CREM: variants seen among roughly 807,000 people sequenced by gnomAD.
The protein encoded by CREM is cAMP responsive element modulator.
Under a neutral mutation model 37.3 loss-of-function variants are expected in CREM, and 13 were observed. That is an observed-to-expected ratio of 0.35 (90% CI 0.23 to 0.55). The LOEUF (loss-of-function observed/expected upper bound fraction) is 0.55. Among genes scored for constraint, CREM ranks in the 20% least tolerant of loss-of-function variants. CREM has a pLI of 0.88. For synonymous variants in CREM, 124 were observed against 120.2 expected (o/e 1.03, Z -0.21); for missense variants, 296 against 362.3 (o/e 0.82, Z 1.49).
At chr10:35,137,237 T>C in intron 1 of CREM, among the ~76,000 whole-genome samples, 1 of 152,228 alleles carries the variant, frequency 6.6e-6, no homozygotes, top group East Asian at 1.9e-4. Context: ...ACTAGGTTTT[T>C]TAATGGATTG....
intron 5 of CREM, among the ~76,000 whole-genome samples, chr10:35,184,010 G>A (rs1021590311): frequency 3.3e-5 from 5 of 152,242 alleles, no homozygotes; most frequent in Non-Finnish European, 5.9e-5. Context: ...GCAGGTGGAG[G>A]TTGCAGTGAG....
At chr10:35,164,322 G>A (rs1024903772) in intron 3 of CREM, among the ~76,000 whole-genome samples, 4 of 152,340 alleles carry the variant, frequency 2.6e-5, no homozygotes, top group African/African-American at 9.6e-5. Flanking sequence ...TAGGCTTTAA[G>A]ATGAAATGGC....
Position 35,162,093 on chromosome 10 carries a change from A to T in CREM, c.168+13602A>T, listed in dbSNP as rs1272123737. 2.0e-5 allele frequency among the ~76,000 whole-genome samples: 3 copies of T among 152,376 alleles called. No homozygotes were observed. The South Asian group carries it at 6.2e-4, about 32-fold the overall frequency. ...ATACACAATGGAATACTATTCAACC[A>T]TAAAAAAGAATGAAGTGTCATTTGC... On this transcript the variant is annotated intron_variant, in intron 3 of 7. Transcript: ENST00000685392.
At chr10:35,164,383 A>G (rs2093437216) in intron 3 of CREM, among the ~76,000 whole-genome samples, 1 of 152,262 alleles carries the variant, frequency 6.6e-6, no homozygotes, top group African/African-American at 2.4e-5. Context: ...TAAAGTAACA[A>G]AAATCTACAA....
At chr10:35,146,336 T>C (rs1314376782) in intron 2 of CREM, among the ~76,000 whole-genome samples, 1 of 152,228 alleles carries the variant, frequency 6.6e-6, no homozygotes, top group Non-Finnish European at 1.5e-5. Flanking sequence ...TTTTAGAAAA[T>C]GCTGTCTGTT....
Position 35,188,204 on chromosome 10 carries a change from T to A in CREM, c.414T>A (p.Ala138=). Residue 138 remains alanine, a synonymous_variant, in exon 6 of 8, where the codon GCT becomes GCA. Transcript: ENST00000685392. ...IYQTSTGQYI[A]IAQGGTIQIS... is the part of the protein sequence containing the mutation. ...TTCTTTTCTTTTTCTGTTAAGTTGCTATAGCCCAAGGTGGAACAATCCAGA... is the reference window on the plus strand; with the variant it reads ...TTCTTTTCTTTTTCTGTTAAGTTGCAATAGCCCAAGGTGGAACAATCCAGA... 1.2e-6 allele frequency: 2 copies of A among 1,602,404 alleles called. No individual in the cohort carries two copies. The highest frequency in any genetic ancestry group is 1.7e-6 in the Non-Finnish European group (2 of 1,177,268).
chr10:35,147,871 A>T (rs1469394349), intron 2 of CREM, among the ~76,000 whole-genome samples: 1 of 152,216 alleles, frequency 6.6e-6, no homozygotes, highest in East Asian at 1.9e-4. Context: ...AAGATGAGAG[A>T]GTTAGGACTC....
chr10:35,181,037 C>G (rs1440768362), intron 5 of CREM, among the ~76,000 whole-genome samples: 1 of 152,224 alleles, frequency 6.6e-6, no homozygotes. Flanking sequence ...CTGGCATATG[C>G]TAATGCTACT....
intron 3 of CREM, chr10:35,175,781 AT>A: frequency 6.2e-7 from 1 of 1,613,836 alleles, no homozygotes; most frequent in Non-Finnish European, 8.5e-7. Flanking sequence ...AGTGAGTGGT[AT>A]TACTTAAAAA....
At chr10:35,154,917 A>G (rs2092805627) in intron 3 of CREM, among the ~76,000 whole-genome samples, 1 of 152,168 alleles carries the variant, frequency 6.6e-6, no homozygotes, top group Admixed American at 6.5e-5. Flanking sequence ...ATCTGTACTC[A>G]TATTTTGATA....
intron 2 of CREM, among the ~76,000 whole-genome samples, chr10:35,141,783 C>T (rs563313114): frequency 3.3e-5 from 5 of 152,186 alleles, no homozygotes; most frequent in African/African-American, 1.2e-4. Context: ...GGCAAGAAAG[C>T]TAAGCAGAGT....
chr10:35,134,196 A>C (rs954617284), intron 1 of CREM, among the ~76,000 whole-genome samples: 2 of 151,698 alleles, frequency 1.3e-5, no homozygotes, highest in African/African-American at 4.8e-5. Flanking sequence ...ATAGGTGCAC[A>C]TCACCATGCT....
chr10:35,195,092 A>G (rs2095094143), intron 6 of CREM: 4 of 1,266,384 alleles, frequency 3.2e-6, no homozygotes, highest in African/African-American at 3.0e-5. Context: ...TTGTGATGTC[A>G]GTCCTCCTGC....
At chr10:35,172,809 G>A (rs931253694) in intron 3 of CREM, among the ~76,000 whole-genome samples, 3 of 152,142 alleles carry the variant, frequency 2.0e-5, no homozygotes, top group East Asian at 1.9e-4. Context: ...TCCACAGAAC[G>A]TCATTTTCTT....
intron 6 of CREM, among the ~76,000 whole-genome samples, chr10:35,204,492 C>T (rs573671318): frequency 6.6e-6 from 1 of 151,114 alleles, no homozygotes; most frequent in South Asian, 2.1e-4. Flanking sequence ...CCCAGCTACT[C>T]GGGAGGCTGA....
chr10:35,176,083 T>A, intron 3 of CREM: 1 of 1,477,392 alleles, frequency 6.8e-7, no homozygotes, highest in Non-Finnish European at 9.0e-7. Flanking sequence ...ATCATTTTTC[T>A]TTATGAAGTG....
At chr10:35,167,679 C>T (rs910112365) in intron 3 of CREM, 7 of 1,583,954 alleles carry the variant, frequency 4.4e-6, no homozygotes, top group African/African-American at 1.3e-5. Context: ...CATCATCTTA[C>T]CTTATTTCTT....
At chr10:35,145,856 C>CT (rs2092048160) in intron 2 of CREM, among the ~76,000 whole-genome samples, 1 of 148,288 alleles carries the variant, frequency 6.7e-6, no homozygotes, top group African/African-American at 2.5e-5. Context: ...AACTGTGTTT[C>CT]TCAAATTTTA....
chr10:35,134,130 T>G (rs894104852), intron 1 of CREM, among the ~76,000 whole-genome samples: 5 of 152,048 alleles, frequency 3.3e-5, no homozygotes, highest in Non-Finnish European at 5.9e-5. Context: ...CACTGCAATT[T>G]CCGCCTCCTG....
Sources: gnomAD v4.1 joint callset for allele counts (sites outside exome capture counted in the v4.1 genomes callset) on GRCh38, gnomAD v4.1.1 for gene constraint, MANE v1.5 for transcripts, NCBI Gene and HGNC (gene_info 2026-07-23, HGNC 2026-07-21) for gene names.